Variants in ERMP1 observed in about 807,000 individuals in gnomAD.
ERMP1 encodes the protein endoplasmic reticulum metallopeptidase 1.
ERMP1 carries 86 observed loss-of-function variants against 92.0 expected under a neutral mutation model. The ratio of observed to expected loss-of-function variants is 0.93; its 90% CI spans 0.79 to 1.12. The LOEUF (loss-of-function observed/expected upper bound fraction) is 1.12. ERMP1 is among the 50% of genes most tolerant of loss of function. The pLI is 0.00. For missense variants in ERMP1, 1,342 were observed against 1,116.3 expected, an observed-to-expected ratio of 1.20 and a Z score of -2.88; for synonymous variants, 530 against 412.8, an observed-to-expected ratio of 1.28 and a Z score of -3.44.
intron 10 of ERMP1, among the ~76,000 whole-genome samples, chr9:5,803,092 G>A (rs1399322149): frequency 6.6e-6 from 1 of 152,100 alleles, no homozygotes; most frequent in African/African-American, 2.4e-5. Flanking sequence ...GACTTTAATT[G>A]CTTTCTAGCA....
intron 8 of ERMP1, among the ~76,000 whole-genome samples, chr9:5,806,353 A>C (rs534390614): frequency 2.6e-5 from 4 of 151,858 alleles, no homozygotes; most frequent in Admixed American, 2.6e-4. Flanking sequence ...ATTTGATCTT[A>C]CAGTTTTTGA....
In ERMP1 at chr9:5,832,938, C is replaced by G. The variant is rs745722281; in HGVS notation, c.90G>C (p.Glu30Asp). The G allele has an allele frequency of 6.4e-7, 1 of 1,562,670 alleles. No individual in the cohort carries two copies. Among genetic ancestry groups the G allele is most frequent in the Non-Finnish European group, 8.6e-7 (1 of 1,165,630 alleles). ...REGAAAAPPP[E>D]REARAQEPLV... ...GAGGCTCCTGCGCTCGGGCCTCCCT[C>G]TCCGGCGGTGGCGCGGCCGCCGCTC... The change falls in exon 1 of 15, where the codon GAG (glutamate) becomes GAC (aspartate). Residue 30 changes from glutamate to aspartate, a missense_variant. By Grantham distance (45) the Glu-to-Asp change is conservative. Coordinates refer to ENST00000339450, the MANE Select transcript of ERMP1 (RefSeq NM_024896.3).
At chr9:5,836,712 C>T (rs1830099456), upstream of ERMP1, among the ~76,000 whole-genome samples, 1 of 152,140 alleles carries the variant, frequency 6.6e-6, no homozygotes, top group Admixed American at 6.6e-5. Context: ...CTTTCCAACT[C>T]TGAAGCTCTG....
upstream of ERMP1, among the ~76,000 whole-genome samples, chr9:5,835,049 A>AT (rs1308307342): frequency 1.3e-5 from 2 of 150,226 alleles, no homozygotes. Flanking sequence ...TAAGATTCTC[A>AT]TTAAAAACTA....
intron 13 of ERMP1, among the ~76,000 whole-genome samples, chr9:5,793,119 TAGC>T (rs1172919938): frequency 6.6e-6 from 1 of 152,166 alleles, no homozygotes; most frequent in Non-Finnish European, 1.5e-5. Flanking sequence ...AGATAAATGC[TAGC>T]AATGTTACAA....
At chr9:5,863,916 C>G (rs1830574885) in intron 5 of ERMP1, among the ~76,000 whole-genome samples, 2 of 152,096 alleles carry the variant, frequency 1.3e-5, no homozygotes, top group South Asian at 4.1e-4. Flanking sequence ...AATAATAGTT[C>G]AGTAGTATAG....
intron 8 of ERMP1, among the ~76,000 whole-genome samples, chr9:5,807,062 C>T (rs1359749086): frequency 6.6e-6 from 1 of 152,172 alleles, no homozygotes; most frequent in Non-Finnish European, 1.5e-5. Flanking sequence ...AGCTGAATGC[C>T]ACTCAGATAT....
At chr9:5,791,440 G>GTGATTTGCA (rs1828193894) in intron 13 of ERMP1, among the ~76,000 whole-genome samples, 1 of 152,206 alleles carries the variant, frequency 6.6e-6, no homozygotes, top group Non-Finnish European at 1.5e-5. Flanking sequence ...TCGAAGTCCA[G>GTGATTTGCA]TGATTTGCAT....
intron 6 of ERMP1, among the ~76,000 whole-genome samples, chr9:5,849,743 A>G (rs1830282788): frequency 1.3e-5 from 2 of 152,206 alleles, no homozygotes; most frequent in Admixed American, 1.3e-4. Context: ...ACTCTGTTCT[A>G]GCACACTTTT....
chr9:5,855,293 T>A (rs1047276297), intron 6 of ERMP1, among the ~76,000 whole-genome samples: 6 of 152,184 alleles, frequency 3.9e-5, no homozygotes, highest in Admixed American at 2.6e-4. Context: ...AAAGATGAAC[T>A]GTGGACATAG....
At chr9:5,858,981 T>C (rs1431568271) in intron 6 of ERMP1, among the ~76,000 whole-genome samples, 1 of 152,220 alleles carries the variant, frequency 6.6e-6, no homozygotes, top group African/African-American at 2.4e-5. Context: ...CTCGCAGACA[T>C]GAACTAATTT....
intron 6 of ERMP1, among the ~76,000 whole-genome samples, chr9:5,853,836 G>C (rs914331128): frequency 6.6e-6 from 1 of 150,748 alleles, no homozygotes; most frequent in African/African-American, 2.4e-5. Context: ...ACGCTCTCTA[G>C]ATGTAGCCTT....
chr9:5,821,156 A>T (rs371309166), intron 4 of ERMP1, among the ~76,000 whole-genome samples: 2 of 152,368 alleles, frequency 1.3e-5, no homozygotes, highest in African/African-American at 4.8e-5. Flanking sequence ...AACCAGTCAT[A>T]AATCTGTTTT....
chr9:5,807,724 C>T (rs1220677484), intron 8 of ERMP1, among the ~76,000 whole-genome samples: 1 of 151,886 alleles, frequency 6.6e-6, no homozygotes, highest in Non-Finnish European at 1.5e-5. Flanking sequence ...CCAACCTGGG[C>T]GACAGAGTGA....
upstream of ERMP1, among the ~76,000 whole-genome samples, chr9:5,834,703 A>ATATGTGTG (rs1554627430): frequency 1.7e-4 from 21 of 122,992 alleles, no homozygotes; most frequent in Admixed American, 3.6e-4. Flanking sequence ...GTATGTATAT[A>ATATGTGTG]TGTGTGTGTG....
In ERMP1 at chr9:5,827,331, C is replaced by G. The variant is rs201003433; in HGVS notation, c.641-2112G>C. On this transcript the variant is annotated intron_variant, in intron 2 of 14. Coordinates refer to ENST00000339450, the MANE Select transcript of ERMP1 (RefSeq NM_024896.3). ...TGTCTTGGGCCACATATAAAAGACA[C>G]TAACACTAACAATCACTGATGAGCT... 9.2e-5 allele frequency among the ~76,000 whole-genome samples: 14 copies of G among 152,090 alleles called. 1 individual carries two copies. In the East Asian group the frequency reaches 2.7e-3, roughly 29 times the overall value.
At chr9:5,816,836 A>C (rs1829326887) in intron 4 of ERMP1, among the ~76,000 whole-genome samples, 1 of 152,068 alleles carries the variant, frequency 6.6e-6, no homozygotes, top group Non-Finnish European at 1.5e-5. Context: ...TTCCACGTGT[A>C]GAATGTGCTA....
At chr9:5,809,689 A>G (rs1829016076) in intron 8 of ERMP1, among the ~76,000 whole-genome samples, 1 of 152,218 alleles carries the variant, frequency 6.6e-6, no homozygotes, top group South Asian at 2.1e-4. Context: ...AGATATTCAA[A>G]TAACATAAAT....
intron 4 of ERMP1, among the ~76,000 whole-genome samples, chr9:5,821,487 C>T (rs747473896): frequency 6.6e-6 from 1 of 152,176 alleles, no homozygotes; most frequent in Non-Finnish European, 1.5e-5. Context: ...AGTAAGGACT[C>T]TGGGCTGCCC....
Sources: gnomAD v4.1 joint callset for allele counts (sites outside exome capture counted in the v4.1 genomes callset) on GRCh38, gnomAD v4.1.1 for gene constraint, MANE v1.5 for transcripts, NCBI Gene and HGNC (gene_info 2026-07-23, HGNC 2026-07-21) for gene names.